Variants in GEN1 observed in about 807,000 individuals in gnomAD.
GEN1 encodes flap endonuclease GEN homolog 1.
In GEN1, 64 loss-of-function variants were observed where a neutral mutation model predicts 67.6. That is an observed-to-expected ratio of 0.95 (90% CI 0.77 to 1.17). The LOEUF (loss-of-function observed/expected upper bound fraction) is 1.17. Ranked by LOEUF, GEN1 falls within the 50% of genes most tolerant of loss-of-function variation. GEN1 has a pLI of 0.00. For synonymous variants in GEN1, 371 were observed against 359.4 expected (o/e 1.03, Z -0.37); for missense variants, 1,058 against 1,048.3 (o/e 1.01, Z -0.13).
At position 17,781,679 on chromosome 2, in the gene GEN1, A is replaced by G; in HGVS notation, c.2467A>G (p.Ser823Gly). ...GTACACAACTCAAAGAATGAAGCACAGTTCTCAAAAGCATAATTCATCCCA... is the reference window on the plus strand; with the variant it reads ...GTACACAACTCAAAGAATGAAGCACGGTTCTCAAAAGCATAATTCATCCCA... ...AKYTTQRMKHSSQKHNSSHFK... is the reference protein window; with the variant it reads ...AKYTTQRMKHGSQKHNSSHFK... Residue 823 changes from serine (S) to glycine (G), a missense_variant, in exon 14 of 14, where the codon AGT becomes GGT. Transcript: ENST00000381254. The G allele has an allele frequency of 1.2e-6, 2 of 1,614,026 alleles. No homozygotes were observed. Among genetic ancestry groups the G allele is most frequent in the Non-Finnish European group, 1.7e-6 (2 of 1,179,922 alleles).
chr2:17,769,542 C>T (rs542447742), intron 6 of GEN1, among the ~76,000 whole-genome samples: 4 of 152,236 alleles, frequency 2.6e-5, no homozygotes, highest in South Asian at 4.1e-4. Context: ...GTATTTAATA[C>T]TTTGATATTG....
chr2:17,776,782 T>C (rs186993954), intron 11 of GEN1, among the ~76,000 whole-genome samples: 11 of 152,186 alleles, frequency 7.2e-5, no homozygotes, highest in Non-Finnish European at 1.0e-4. Context: ...AGGAAAAGCG[T>C]TTTTAAACAT....
Position 17,761,582 on chromosome 2 carries a change from G to C in GEN1, c.348G>C (p.Glu116Asp), listed in dbSNP as rs751254134. Residue 116 changes from glutamate (E) to aspartate (D), a missense_variant and splice_region_variant, in exon 3 of 14, where the codon GAG becomes GAC. Glu to Asp is a conservative substitution (Grantham distance 45). Coordinates refer to ENST00000381254, the MANE Select transcript of GEN1 (RefSeq NM_001130009.3). ...GRSHFKSVLR[E>D]CLHMLECLGI... ...CACATTTTAAATCAGTCTTAAGAGA[G>C]GTGAGCATTCAGATTTGATTCAGTA... is the stretch of plus-strand genomic sequence containing the variant. The C allele has an allele frequency of 1.9e-6, 3 of 1,585,186 alleles. No individual in the cohort carries two copies. The highest frequency in any genetic ancestry group is 2.6e-6 in the Non-Finnish European group (3 of 1,167,918).
chr2:17,778,130 G>T, intron 12 of GEN1, 67 bp downstream of exon 12: 1 of 666,610 alleles, frequency 1.5e-6, no homozygotes, highest in Non-Finnish European at 2.6e-6. Flanking sequence ...AGTAAATATT[G>T]TATATGTGTA....
chr2:17,756,627 A>G (rs370161065), intron 1 of GEN1, among the ~76,000 whole-genome samples: 1 of 152,098 alleles, frequency 6.6e-6, no homozygotes, highest in South Asian at 2.1e-4. Context: ...GGGTCTCACC[A>G]TTTTGCCAGG....
chr2:17,785,246 TA>T lies in GEN1; in HGVS notation c.*3311del, dbSNP rs1673019410. 2 of 152,258 alleles carry T rather than the reference TA, an allele frequency of 1.3e-5. No individual in the cohort carries two copies. Among genetic ancestry groups the T allele is most frequent in the Admixed American group, 1.3e-4 (2 of 15,292 alleles). 9.4% of individuals were successfully genotyped at this position (152,258 alleles called of 1,614,324 possible). A position where few individuals can be genotyped will look rare whatever the true frequency, so the allele number is the denominator to read the frequency against. ...GATATACCTAATATAGGCATAAGTGTAAAATTATAGTTCCTCCTCCTCAAGG... is the reference window on the plus strand; with the variant it reads ...GATATACCTAATATAGGCATAAGTGTAAATTATAGTTCCTCCTCCTCAAGG... On this transcript the variant is annotated 3_prime_UTR_variant, in exon 14 of 14. Coordinates refer to ENST00000381254, the MANE Select transcript of GEN1 (RefSeq NM_001130009.3).
chr2:17,755,719 T>C (rs1454849966), intron 1 of GEN1: 1 of 152,190 alleles, frequency 6.6e-6, no homozygotes, highest in African/African-American at 2.4e-5. Context: ...CTGAACTAAA[T>C]TGCAAAACTT....
At chr2:17,774,165 CTTT>C in intron 10 of GEN1, 103 bp from the exon 11 acceptor site, 1 of 506,810 alleles carries the variant, frequency 2.0e-6, no homozygotes, top group Non-Finnish European at 3.2e-6. Context: ...ATTGATACTA[CTTT>C]AACTTACGTT....
At position 17,784,008 on chromosome 2, in the gene GEN1, C is replaced by T. The variant is rs1159548385; in HGVS notation, c.*2069C>T. The T allele has an allele frequency of 1.3e-5, 2 of 151,978 alleles. No homozygotes were observed. Among genetic ancestry groups the T allele is most frequent in the African/African-American group, 4.8e-5 (2 of 41,374 alleles). The allele number at this position is 151,978 out of a possible 1,614,324, so 9.4% of individuals were successfully genotyped here. On this transcript the variant is annotated 3_prime_UTR_variant, in exon 14 of 14. Coordinates refer to ENST00000381254, the MANE Select transcript of GEN1 (RefSeq NM_001130009.3). ...ATACACAAACTGGACTTCATCAAAA[C>T]TAAAAACTGTTGTTTGAAATGACAC...
Position 17,782,894 on chromosome 2 carries a change from A to G in GEN1, c.*955A>G, listed in dbSNP as rs1672910971. Reference sequence around the variant, plus strand: ...AATTTAGGTCGCACTCAAAAATTCTAGAGAGGCATCCAGATTGAAAAGGAA... The same window carrying G: ...AATTTAGGTCGCACTCAAAAATTCTGGAGAGGCATCCAGATTGAAAAGGAA... On this transcript the variant is annotated 3_prime_UTR_variant, in exon 14 of 14. Coordinates refer to ENST00000381254, the MANE Select transcript of GEN1 (RefSeq NM_001130009.3). 6.6e-6 allele frequency: 1 copy of G among 152,212 alleles called. No homozygotes were observed. 9.4% of individuals were successfully genotyped at this position (152,212 alleles called of 1,614,324 possible).
At chr2:17,775,289 C>G (rs1346030809) in intron 11 of GEN1, among the ~76,000 whole-genome samples, 1 of 152,064 alleles carries the variant, frequency 6.6e-6, no homozygotes, top group Non-Finnish European at 1.5e-5. Context: ...ATCAAGGGGT[C>G]TCTAGGCTAA....
At chr2:17,757,470 A>G (rs1365062248) in intron 1 of GEN1, among the ~76,000 whole-genome samples, 1 of 152,104 alleles carries the variant, frequency 6.6e-6, no homozygotes, top group Admixed American at 6.5e-5. Context: ...GTGTGCCATC[A>G]TAAACATCAC....
intron 12 of GEN1, among the ~76,000 whole-genome samples, chr2:17,779,437 A>G (rs145513022): frequency 1.3e-5 from 2 of 152,346 alleles, no homozygotes; most frequent in African/African-American, 4.8e-5. Flanking sequence ...TTAAAGTTCT[A>G]ATTTAGAAAG....
chr2:17,761,874 A>G (rs1044380289), intron 3 of GEN1, among the ~76,000 whole-genome samples: 5 of 152,190 alleles, frequency 3.3e-5, no homozygotes, highest in African/African-American at 1.2e-4. Context: ...AAGAGAAAGT[A>G]TATCTAAAGC....
At chr2:17,760,986 T>C (rs1671649051) in intron 2 of GEN1, among the ~76,000 whole-genome samples, 2 of 150,754 alleles carry the variant, frequency 1.3e-5, no homozygotes, top group South Asian at 4.2e-4. Flanking sequence ...TTCCTAGCAC[T>C]TTGCGAGGCT....
intron 12 of GEN1, 65 bp downstream of exon 12, chr2:17,778,128 T>G: frequency 1.3e-6 from 1 of 764,128 alleles, no homozygotes; most frequent in Non-Finnish European, 2.3e-6. Context: ...CTAGTAAATA[T>G]TGTATATGTG....
chr2:17,782,331 G>T lies in GEN1; in HGVS notation c.*392G>T. 6.5e-6 allele frequency: 1 copy of T among 154,010 alleles called. No homozygotes were observed. The highest frequency in any genetic ancestry group is 1.4e-5 in the Non-Finnish European group (1 of 69,454). 9.5% of individuals were successfully genotyped at this position (154,010 alleles called of 1,614,324 possible). A position where few individuals can be genotyped will look rare whatever the true frequency, so the allele number is the denominator to read the frequency against. ...TTATACTTCTCTTCATTCTTTTAAGGCCTTGCAAGGTCTTCCGTTATAACT... is the reference window on the plus strand; with the variant it reads ...TTATACTTCTCTTCATTCTTTTAAGTCCTTGCAAGGTCTTCCGTTATAACT... On this transcript the variant is annotated 3_prime_UTR_variant, in exon 14 of 14. Transcript: ENST00000381254.
At chr2:17,769,058 C>A (rs192537695) in intron 6 of GEN1, among the ~76,000 whole-genome samples, 3 of 151,752 alleles carry the variant, frequency 2.0e-5, no homozygotes, top group Admixed American at 2.0e-4. Context: ...CTCACTGTGT[C>A]GCCTAGGCTG....
chr2:17,756,988 A>C (rs1484926906), intron 1 of GEN1, among the ~76,000 whole-genome samples: 1 of 152,236 alleles, frequency 6.6e-6, no homozygotes, highest in Non-Finnish European at 1.5e-5. Flanking sequence ...TGATGGAAAC[A>C]GAGATTTGGA....
Sources: allele counts gnomAD v4.1 joint callset (sites outside exome capture counted in the v4.1 genomes callset), GRCh38; gene constraint gnomAD v4.1.1; transcripts MANE v1.5; gene names NCBI Gene and HGNC (gene_info 2026-07-23, HGNC 2026-07-21).